Variants in GRID1 observed in about 807,000 individuals in gnomAD.
GRID1 encodes the protein glutamate ionotropic receptor delta type subunit 1, also known as glutamate receptor ionotropic, delta-1.
GRID1 carries 28 observed loss-of-function variants against 98.0 expected under a neutral mutation model. The observed-to-expected ratio is 0.29, with a 90% CI of 0.21 to 0.39. GRID1 has a LOEUF of 0.39. Ranked by LOEUF, GRID1 falls within the 10% of genes least tolerant of loss-of-function variation. GRID1 has a pLI of 1.00. For missense variants in GRID1, 1,111 were observed against 1,340.5 expected, an observed-to-expected ratio of 0.83 and a Z score of 2.67; for synonymous variants, 553 against 538.5, an observed-to-expected ratio of 1.03 and a Z score of -0.37.
Position 86,052,069 on chromosome 10 carries a change from G to A in GRID1, c.726+86750C>T, listed in dbSNP as rs148509000. ...TATCATTAGGAAGCTGGTTAAGTAG[G>A]TTATGGCACATCTACACAATAAACT... On this transcript the variant is annotated intron_variant, in intron 4 of 15. Transcript: ENST00000327946. 3.8e-4 allele frequency among the ~76,000 whole-genome samples: 58 copies of A among 152,252 alleles called. No homozygotes were observed. The East Asian group carries it at 0.01, about 26-fold the overall frequency.
intron 3 of GRID1, among the ~76,000 whole-genome samples, chr10:86,174,616 GCA>G (rs1173627399): frequency 6.6e-6 from 1 of 152,032 alleles, no homozygotes; most frequent in East Asian, 1.9e-4. Context: ...AAAAGCAATG[GCA>G]ACAAAAGCCA....
At chr10:85,683,069 T>C (rs746398681) in intron 12 of GRID1, among the ~76,000 whole-genome samples, 3 of 152,240 alleles carry the variant, frequency 2.0e-5, no homozygotes, top group Non-Finnish European at 4.4e-5. Context: ...CCTGGGCCAG[T>C]AGCCCTCGCA....
chr10:85,615,370 G>A (rs536394104), intron 14 of GRID1, among the ~76,000 whole-genome samples: 93 of 152,328 alleles, frequency 6.1e-4, no homozygotes, highest in African/African-American at 2.1e-3. Context: ...CCACTTAGAT[G>A]AGCAGACCCT....
At chr10:85,907,845 T>C (rs1455112545) in intron 5 of GRID1, among the ~76,000 whole-genome samples, 1 of 152,206 alleles carries the variant, frequency 6.6e-6, no homozygotes, top group Non-Finnish European at 1.5e-5. Flanking sequence ...AAAAGTAGGT[T>C]TTATCCCAGA....
chr10:85,855,358 T>G (rs1465483392), intron 7 of GRID1, among the ~76,000 whole-genome samples: 1 of 152,214 alleles, frequency 6.6e-6, no homozygotes, highest in Non-Finnish European at 1.5e-5. Flanking sequence ...GGTGAGATTC[T>G]CATCAAGATT....
intron 8 of GRID1, among the ~76,000 whole-genome samples, chr10:85,829,928 A>G (rs1294149761): frequency 6.6e-6 from 1 of 152,206 alleles, no homozygotes; most frequent in Non-Finnish European, 1.5e-5. Flanking sequence ...TGAACTACCA[A>G]TGGCATTCTT....
chr10:85,854,420 C>T, intron 8 of GRID1, 76 bp downstream of exon 8: 1 of 1,385,068 alleles, frequency 7.2e-7, no homozygotes. Flanking sequence ...GCTGGGAGCT[C>T]AGGGACCCTG....
chr10:85,829,666 G>A (rs1842850555), intron 8 of GRID1, among the ~76,000 whole-genome samples: 1 of 151,964 alleles, frequency 6.6e-6, no homozygotes, highest in Admixed American at 6.6e-5. Flanking sequence ...ATGTCCAAGT[G>A]GAGAGCCAAA....
chr10:85,630,200 C>T (rs1842960185), intron 13 of GRID1, among the ~76,000 whole-genome samples: 1 of 152,166 alleles, frequency 6.6e-6, no homozygotes, highest in Admixed American at 6.5e-5. Context: ...GACAGCACGG[C>T]ATGGTATGTT....
At chr10:85,788,714 T>C (rs1399230745) in intron 8 of GRID1, among the ~76,000 whole-genome samples, 1 of 152,248 alleles carries the variant, frequency 6.6e-6, no homozygotes, top group Admixed American at 6.5e-5. Context: ...CTCCTCACTG[T>C]GGCTAGTTGG....
chr10:86,075,115 G>A (rs1299958160), intron 4 of GRID1, among the ~76,000 whole-genome samples: 3 of 146,318 alleles, frequency 2.1e-5, no homozygotes, highest in Non-Finnish European at 4.5e-5. Flanking sequence ...TGGTCCCCGC[G>A]GAAGGCTCCT....
In GRID1 at chr10:86,104,885, G is replaced by A. The variant is rs78637005; in HGVS notation, c.726+33934C>T. ...TGCCTAGGGTGTGCGACAGCGGACA[G>A]GGGGGCAAAAGGTACAGCATTGAGA... is the stretch of plus-strand genomic sequence containing the variant. On this transcript the variant is annotated intron_variant, in intron 4 of 15. Coordinates refer to ENST00000327946, the MANE Select transcript of GRID1 (RefSeq NM_017551.3). 4.5e-3 allele frequency among the ~76,000 whole-genome samples: 677 copies of A among 151,738 alleles called. 20 individuals carry two copies. In the East Asian group the frequency reaches 0.077, roughly 17 times the overall value.
intron 4 of GRID1, among the ~76,000 whole-genome samples, chr10:86,120,448 C>A (rs968298926): frequency 1.3e-5 from 2 of 152,220 alleles, no homozygotes; most frequent in Non-Finnish European, 2.9e-5. Context: ...TGATTGCTTA[C>A]TTTCCCTAAG....
At chr10:85,741,322 C>T (rs2949374) in intron 8 of GRID1, among the ~76,000 whole-genome samples, 49,538 of 151,928 alleles carry the variant, frequency 0.33, 8,258 homozygotes, top group Middle Eastern at 0.37. Context: ...GTGTTGGAAA[C>T]TTACTTTAAG....
At chr10:85,869,242 A>C in intron 5 of GRID1, 62 bp from the exon 6 acceptor site, 1 of 1,417,538 alleles carries the variant, frequency 7.1e-7, no homozygotes, top group Non-Finnish European at 1.0e-6. Context: ...CAAGAGACCT[A>C]TCAGGAGGCA....
chr10:85,874,776 T>C (rs4325261), intron 5 of GRID1, among the ~76,000 whole-genome samples: 9,088 of 152,292 alleles, frequency 0.06, 310 homozygotes, highest in Non-Finnish European at 0.071. Context: ...GTGTCAATGG[T>C]CATTTTTAGG....
intron 3 of GRID1, among the ~76,000 whole-genome samples, chr10:86,163,134 C>A (rs1046287067): frequency 1.3e-5 from 2 of 152,198 alleles, no homozygotes; most frequent in African/African-American, 2.4e-5. Context: ...TGGGCCAGTA[C>A]CCTCAGTGCC....
At position 86,162,614 on chromosome 10, in the gene GRID1, G is replaced by C. The variant is rs540987809; in HGVS notation, c.521-23590C>G. Reference sequence around the variant, plus strand: ...AACAGGGGTGTCCTGTGCATAAAAAGGGTCTTGGGGCCAACTTTTCAAAAG... The same window carrying C: ...AACAGGGGTGTCCTGTGCATAAAAACGGTCTTGGGGCCAACTTTTCAAAAG... On this transcript the variant is annotated intron_variant, in intron 3 of 15. Transcript: ENST00000327946. Among the ~76,000 whole-genome samples the C allele has an allele frequency of 1.7e-4, 26 of 152,336 alleles. No homozygotes were observed. The South Asian group carries it at 5.4e-3, about 32-fold the overall frequency.
chr10:85,621,986 G>T (rs916513121), intron 13 of GRID1, among the ~76,000 whole-genome samples: 1 of 152,134 alleles, frequency 6.6e-6, no homozygotes, highest in Non-Finnish European at 1.5e-5. Context: ...GGTATGTCAC[G>T]TTGAGGGAAA....
Sources: allele counts gnomAD v4.1 joint callset (sites outside exome capture counted in the v4.1 genomes callset), GRCh38; gene constraint gnomAD v4.1.1; transcripts MANE v1.5; gene names NCBI Gene and HGNC (gene_info 2026-07-23, HGNC 2026-07-21).